Variants in VPS13B observed in about 807,000 individuals in gnomAD.
VPS13B encodes the protein intermembrane lipid transfer protein VPS13B.
A neutral mutation model predicts 426.4 loss-of-function variants in VPS13B; 285 were observed. The observed-to-expected ratio is 0.67, with a 90% CI of 0.61 to 0.74. VPS13B has a LOEUF of 0.74. VPS13B is among the 30% of genes least tolerant of loss of function. The probability of loss-of-function intolerance (pLI) is 0.00; values close to 1 mark genes in which losing one functional copy is unlikely to be tolerated. For missense variants in VPS13B, 4,537 were observed against 4,782.6 expected, an observed-to-expected ratio of 0.95 and a Z score of 1.51; for synonymous variants, 1,676 against 1,676.4, an observed-to-expected ratio of 1.00 and a Z score of 0.01.
At chr8:99,304,393 A>T (rs942162618) in intron 19 of VPS13B, among the ~76,000 whole-genome samples, 8 of 152,064 alleles carry the variant, frequency 5.3e-5, no homozygotes, top group African/African-American at 1.9e-4. Context: ...ATTGCTTTAA[A>T]AGAAAATCAT....
intron 54 of VPS13B, among the ~76,000 whole-genome samples, chr8:99,844,590 G>A (rs934564573): frequency 2.0e-5 from 3 of 152,008 alleles, no homozygotes; most frequent in Admixed American, 6.5e-5. Flanking sequence ...GGCTGGTCCC[G>A]AACTCCTGAT....
At chr8:99,359,261 T>C (rs913396529) in intron 19 of VPS13B, among the ~76,000 whole-genome samples, 4 of 152,206 alleles carry the variant, frequency 2.6e-5, no homozygotes, top group African/African-American at 9.6e-5. Flanking sequence ...ACATTTTTTA[T>C]AACAGAGTAT....
chr8:99,515,031 C>T (rs1285480864), intron 29 of VPS13B, among the ~76,000 whole-genome samples: 1 of 152,136 alleles, frequency 6.6e-6, no homozygotes, highest in African/African-American at 2.4e-5. Flanking sequence ...AGGCAGAGGT[C>T]TGAAGTTCAT....
At chr8:99,575,042 T>G (rs1825710273) in intron 31 of VPS13B, among the ~76,000 whole-genome samples, 1 of 152,104 alleles carries the variant, frequency 6.6e-6, no homozygotes, top group South Asian at 2.1e-4. Context: ...GGTACATTCC[T>G]GTGGTCCCAG....
chr8:99,739,133 T>C (rs2167101), intron 39 of VPS13B, among the ~76,000 whole-genome samples: 9,866 of 152,296 alleles, frequency 0.065, 451 homozygotes, highest in African/African-American at 0.13. Context: ...CCTAATACTG[T>C]GCTTTTCCAA....
chr8:99,596,192 T>C (rs993820290), intron 33 of VPS13B, among the ~76,000 whole-genome samples: 1 of 151,836 alleles, frequency 6.6e-6, no homozygotes, highest in African/African-American at 2.4e-5. Context: ...TGCTGTAAGT[T>C]CTTTTTTTTT....
chr8:99,552,939 A>T (rs1055192504), intron 30 of VPS13B, among the ~76,000 whole-genome samples: 7 of 152,122 alleles, frequency 4.6e-5, no homozygotes, highest in African/African-American at 1.7e-4. Flanking sequence ...CCACCATCAC[A>T]ATCAAGATAC....
At chr8:99,457,156 T>C (rs1278765877) in intron 23 of VPS13B, among the ~76,000 whole-genome samples, 3 of 151,856 alleles carry the variant, frequency 2.0e-5, no homozygotes, top group Non-Finnish European at 4.4e-5. Context: ...CTCAGCCTCC[T>C]GAGTAGCCAC....
At chr8:99,531,051 A>G (rs912241582) in intron 30 of VPS13B, among the ~76,000 whole-genome samples, 1 of 152,208 alleles carries the variant, frequency 6.6e-6, no homozygotes, top group African/African-American at 2.4e-5. Context: ...TAAATGTTCC[A>G]AAAAACTAGT....
At chr8:99,662,015 G>A (rs966035279) in intron 35 of VPS13B, among the ~76,000 whole-genome samples, 9 of 152,120 alleles carry the variant, frequency 5.9e-5, no homozygotes, top group Admixed American at 5.9e-4. Context: ...ATTTTTGAGA[G>A]CTAATTATGT....
intron 59 of VPS13B, among the ~76,000 whole-genome samples, chr8:99,869,922 T>C (rs1278537670): frequency 1.3e-5 from 2 of 152,266 alleles, no homozygotes; most frequent in Non-Finnish European, 2.9e-5. Context: ...AGAGTCTATG[T>C]AAAGGCCTAT....
chr8:99,242,228 C>T (rs546288979), intron 17 of VPS13B, among the ~76,000 whole-genome samples: 6 of 152,118 alleles, frequency 3.9e-5, no homozygotes, highest in Non-Finnish European at 8.8e-5. Flanking sequence ...GGTAATCCAC[C>T]CCACCTTGGC....
At chr8:99,644,033 T>C (rs889107987) in intron 34 of VPS13B, among the ~76,000 whole-genome samples, 4 of 152,254 alleles carry the variant, frequency 2.6e-5, no homozygotes, top group Admixed American at 6.5e-5. Context: ...TTCACTCAGC[T>C]ACAGTCGCTC....
chr8:99,244,752 A>G (rs1028073446), intron 17 of VPS13B, among the ~76,000 whole-genome samples: 2 of 152,234 alleles, frequency 1.3e-5, no homozygotes, highest in South Asian at 4.1e-4. Flanking sequence ...AGTCTGAATC[A>G]GCAAAGTTAT....
chr8:99,639,549 T>G (rs1829216510), intron 33 of VPS13B, among the ~76,000 whole-genome samples: 1 of 151,808 alleles, frequency 6.6e-6, no homozygotes. Context: ...TAAAAACCAA[T>G]TAACAAGAAA....
chr8:99,834,401 A>G (rs1815255173), intron 52 of VPS13B, among the ~76,000 whole-genome samples: 1 of 152,184 alleles, frequency 6.6e-6, no homozygotes, highest in Admixed American at 6.5e-5. Context: ...CTGCTAATCA[A>G]AATGTACATT....
chr8:99,672,104 G>A (rs1830740633), intron 35 of VPS13B, among the ~76,000 whole-genome samples: 1 of 151,960 alleles, frequency 6.6e-6, no homozygotes, highest in Non-Finnish European at 1.5e-5. Flanking sequence ...GGTTATTCAG[G>A]GTCTTTTATG....
chr8:99,874,784 T>C (rs1817608346), intron 61 of VPS13B, among the ~76,000 whole-genome samples: 1 of 152,238 alleles, frequency 6.6e-6, no homozygotes, highest in Non-Finnish European at 1.5e-5. Flanking sequence ...GCCAGACTTT[T>C]ATGAACAATA....
intron 16 of VPS13B, among the ~76,000 whole-genome samples, chr8:99,172,292 G>A (rs568723562): frequency 3.3e-5 from 5 of 152,108 alleles, no homozygotes; most frequent in Non-Finnish European, 7.4e-5. Context: ...TATAGAAATA[G>A]TATATTGGCT....
Sources: gnomAD v4.1 joint callset for allele counts (sites outside exome capture counted in the v4.1 genomes callset) on GRCh38, gnomAD v4.1.1 for gene constraint, MANE v1.5 for transcripts, NCBI Gene and HGNC (gene_info 2026-07-23, HGNC 2026-07-21) for gene names.